Variants in SCAPER observed in about 807,000 individuals in gnomAD.
SCAPER encodes S-phase cyclin A associated protein in the ER.
SCAPER carries 98 observed loss-of-function variants against 182.2 expected under a neutral mutation model. The observed-to-expected ratio is 0.54, with a 90% confidence interval of 0.46 to 0.64. The LOEUF (loss-of-function observed/expected upper bound fraction) is 0.64, where lower values mean the gene tolerates loss of function less well. Among genes scored for constraint, SCAPER ranks in the 30% least tolerant of loss-of-function variants. The pLI is 0.00. For synonymous variants in SCAPER, 605 were observed against 564.6 expected, an observed-to-expected ratio of 1.07 and a Z score of -1.01; for missense variants, 1,432 against 1,690.0, an observed-to-expected ratio of 0.85 and a Z score of 2.68.
In SCAPER at chr15:76,843,357, A is replaced by G. The variant is rs186889361; in HGVS notation, c.196-1426T>C. 5.7e-4 allele frequency among the ~76,000 whole-genome samples: 87 copies of G among 152,270 alleles called. 2 individuals carry two copies. In the East Asian group the frequency reaches 0.013, roughly 23 times the overall value. On this transcript the variant is annotated intron_variant, in intron 4 of 31. Coordinates refer to ENST00000563290, the MANE Select transcript of SCAPER (RefSeq NM_020843.4). ...ATAGTTATCATTTAATCATCACAAC[A>G]AGCTGTGACAGGACAAATATTACTA... is the stretch of plus-strand genomic sequence containing the variant.
chr15:76,680,608 G>A (rs1175224226), intron 20 of SCAPER, among the ~76,000 whole-genome samples: 5 of 152,026 alleles, frequency 3.3e-5, no homozygotes, highest in Admixed American at 2.6e-4. Context: ...CTTATGATTA[G>A]ATAAAGGCCC....
chr15:76,599,699 A>C (rs1369501109), intron 22 of SCAPER, among the ~76,000 whole-genome samples: 1 of 122,202 alleles, frequency 8.2e-6, no homozygotes, highest in African/African-American at 2.5e-5. Context: ...GACAAGCTCT[A>C]CAACAGGTGA....
At chr15:76,566,066 G>C (rs929113179) in intron 23 of SCAPER, among the ~76,000 whole-genome samples, 1 of 152,094 alleles carries the variant, frequency 6.6e-6, no homozygotes, top group African/African-American at 2.4e-5. Context: ...GATGGGCAGT[G>C]TCTAGCAGGA....
At chr15:76,522,640 A>G (rs1224851461) in intron 23 of SCAPER, among the ~76,000 whole-genome samples, 1 of 152,112 alleles carries the variant, frequency 6.6e-6, no homozygotes, top group Non-Finnish European at 1.5e-5. Flanking sequence ...TAAAGTGTAA[A>G]TGTTAACAAA....
At chr15:76,670,730 T>C (rs2056953502) in intron 20 of SCAPER, among the ~76,000 whole-genome samples, 1 of 152,218 alleles carries the variant, frequency 6.6e-6, no homozygotes, top group South Asian at 2.1e-4. Flanking sequence ...TGCTTGACCA[T>C]TTGTCTGCAT....
chr15:76,806,672 C>A (rs986227363), intron 5 of SCAPER, among the ~76,000 whole-genome samples: 15 of 152,200 alleles, frequency 9.9e-5, no homozygotes, highest in Admixed American at 7.2e-4. Context: ...GTCTTCTGTT[C>A]ATGAATTCTG....
intron 23 of SCAPER, among the ~76,000 whole-genome samples, chr15:76,548,452 C>G (rs2144885345): frequency 6.6e-6 from 1 of 152,192 alleles, no homozygotes; most frequent in Middle Eastern, 3.4e-3. Flanking sequence ...AAGGAGAATG[C>G]TATAAATAGA....
intron 26 of SCAPER, among the ~76,000 whole-genome samples, chr15:76,420,598 T>C (rs1384875021): frequency 1.3e-5 from 2 of 152,126 alleles, no homozygotes; most frequent in Admixed American, 1.3e-4. Flanking sequence ...AGATAAAATA[T>C]CTCTACGTTG....
At chr15:76,879,657 C>T (rs1345478232) in intron 2 of SCAPER, among the ~76,000 whole-genome samples, 1 of 152,102 alleles carries the variant, frequency 6.6e-6, no homozygotes, top group Non-Finnish European at 1.5e-5. Flanking sequence ...TGGATCAATT[C>T]TTATCTGAAG....
intron 4 of SCAPER, among the ~76,000 whole-genome samples, chr15:76,844,645 A>G: frequency 6.6e-6 from 1 of 152,154 alleles, no homozygotes; most frequent in Admixed American, 6.5e-5. Flanking sequence ...GACACATACC[A>G]CCTATCAAGA....
chr15:76,363,833 T>C (rs1393355019), intron 29 of SCAPER, among the ~76,000 whole-genome samples: 3 of 152,148 alleles, frequency 2.0e-5, no homozygotes, highest in African/African-American at 2.4e-5. Context: ...TACAATGCTA[T>C]AGTAAAAAGG....
intron 4 of SCAPER, among the ~76,000 whole-genome samples, chr15:76,854,176 G>A (rs1302199809): frequency 6.6e-6 from 1 of 152,070 alleles, no homozygotes; most frequent in East Asian, 1.9e-4. Context: ...GGCTGAGGCA[G>A]GAGAATCGCT....
At chr15:76,789,545 A>G (rs1412144675) in intron 8 of SCAPER, among the ~76,000 whole-genome samples, 1 of 152,202 alleles carries the variant, frequency 6.6e-6, no homozygotes, top group Non-Finnish European at 1.5e-5. Context: ...GAGTATATCA[A>G]ACTAGGAACT....
intron 23 of SCAPER, among the ~76,000 whole-genome samples, chr15:76,555,405 G>C (rs2046117932): frequency 6.6e-6 from 1 of 152,132 alleles, no homozygotes; most frequent in Non-Finnish European, 1.5e-5. Context: ...AATGGAAATA[G>C]GCTACATGCC....
chr15:76,404,722 C>T (rs372917207), intron 26 of SCAPER, 43 bp from the exon 27 acceptor site: 7 of 1,574,996 alleles, frequency 4.4e-6, no homozygotes, highest in East Asian at 2.3e-5. Context: ...CTGAATAGGC[C>T]AGCAACATCT....
At chr15:76,555,050 G>A (rs1236733424) in intron 23 of SCAPER, among the ~76,000 whole-genome samples, 4 of 152,210 alleles carry the variant, frequency 2.6e-5, no homozygotes, top group African/African-American at 9.6e-5. Flanking sequence ...CAAAGTGCTA[G>A]GATTACAGGT....
At chr15:76,616,651 A>C (rs2146020924) in intron 22 of SCAPER, among the ~76,000 whole-genome samples, 1 of 152,290 alleles carries the variant, frequency 6.6e-6, no homozygotes, top group East Asian at 1.9e-4. Flanking sequence ...CATTTTAAAA[A>C]ATGAAAAAAA....
In SCAPER at chr15:76,567,858, A is replaced by G. The variant is rs1365917942; in HGVS notation, c.2838+6300T>C. On this transcript the variant is annotated intron_variant, in intron 23 of 31. Coordinates refer to ENST00000563290, the MANE Select transcript of SCAPER (RefSeq NM_020843.4). Reference sequence around the variant, plus strand: ...TTCCTGGTGCCTTTTGATGAACAAAAGTTCTTATTTTCAGTGCAGCCCAAT... The same window carrying G: ...TTCCTGGTGCCTTTTGATGAACAAAGGTTCTTATTTTCAGTGCAGCCCAAT... 3.3e-5 allele frequency among the ~76,000 whole-genome samples: 5 copies of G among 152,156 alleles called. No homozygotes were observed. In the East Asian group the frequency reaches 9.7e-4, roughly 29 times the overall value.
chr15:76,580,160 T>C (rs917225545), intron 22 of SCAPER, among the ~76,000 whole-genome samples: 7 of 152,130 alleles, frequency 4.6e-5, no homozygotes, highest in African/African-American at 1.2e-4. Flanking sequence ...ATCTACACCA[T>C]AGACTAAATG....
Sources: gnomAD v4.1 joint callset for allele counts (sites outside exome capture counted in the v4.1 genomes callset) on GRCh38, gnomAD v4.1.1 for gene constraint, MANE v1.5 for transcripts, NCBI Gene and HGNC (gene_info 2026-07-23, HGNC 2026-07-21) for gene names.